FBXW4: variants seen among roughly 807,000 people sequenced by gnomAD.
FBXW4 encodes F-box and WD repeat domain containing 4.
FBXW4 carries 40 observed loss-of-function variants against 61.8 expected under a neutral mutation model. The ratio of observed to expected loss-of-function variants is 0.65; its 90% CI spans 0.50 to 0.84. FBXW4 has a LOEUF of 0.84. Among genes scored for constraint, FBXW4 ranks in the 40% least tolerant of loss-of-function variants. FBXW4 has a pLI of 0.00. For synonymous variants in FBXW4, 311 were observed against 313.8 expected, an observed-to-expected ratio of 0.99 and a Z score of 0.10; for missense variants, 672 against 753.8, an observed-to-expected ratio of 0.89 and a Z score of 1.27.
chr10:101,627,622 G>A (rs563085288), intron 5 of FBXW4, among the ~76,000 whole-genome samples: 6 of 152,246 alleles, frequency 3.9e-5, no homozygotes, highest in South Asian at 2.1e-4. Flanking sequence ...AAGGGCGTGC[G>A]CACATGCAAT....
At chr10:101,672,568 G>A (rs1013380465) in intron 4 of FBXW4, among the ~76,000 whole-genome samples, 2 of 152,098 alleles carry the variant, frequency 1.3e-5, no homozygotes, top group African/African-American at 4.8e-5. Context: ...GCAAAAGGAG[G>A]GAGATTTTAA....
chr10:101,649,335 G>A (rs2064127193), intron 5 of FBXW4, among the ~76,000 whole-genome samples: 1 of 152,106 alleles, frequency 6.6e-6, no homozygotes, highest in African/African-American at 2.4e-5. Flanking sequence ...TACAATCCGG[G>A]AGCCCCAGCC....
intron 5 of FBXW4, among the ~76,000 whole-genome samples, chr10:101,650,466 T>C (rs1002738690): frequency 5.3e-5 from 8 of 152,160 alleles, no homozygotes; most frequent in Non-Finnish European, 1.2e-4. Flanking sequence ...TTTGGCTCCC[T>C]GAGGCTCACA....
intron 5 of FBXW4, chr10:101,628,063 G>A (rs749785786): frequency 7.3e-5 from 53 of 722,236 alleles, no homozygotes; most frequent in Non-Finnish European, 8.7e-5. Context: ...TGTGCTAGGC[G>A]TGTCAAAGGC....
chr10:101,694,343 G>A lies in FBXW4; in HGVS notation c.725+38C>T. ...CGCCCTTTCCCGGGACGCGGGGCCGGCTCGGGGCGGGGAGCGGGCGGGCGA... is the reference window on the plus strand; with the variant it reads ...CGCCCTTTCCCGGGACGCGGGGCCGACTCGGGGCGGGGAGCGGGCGGGCGA... On this transcript the variant is annotated intron_variant, in intron 1 of 8. Transcript: ENST00000331272. This position sits in a 1 kb window ranked among gnomAD's most constrained non-coding sequence, Gnocchi z 6.0. 2 of 1,345,348 alleles carry A rather than the reference G, an allele frequency of 1.5e-6. No homozygotes were observed. Among genetic ancestry groups the A allele is most frequent in the Non-Finnish European group, 1.9e-6 (2 of 1,055,600 alleles). The allele number at this position is 1,345,348 out of a possible 1,614,324, so 83.3% of individuals were successfully genotyped here.
chr10:101,643,373 T>C (rs1003699897), intron 5 of FBXW4, among the ~76,000 whole-genome samples: 1 of 152,220 alleles, frequency 6.6e-6, no homozygotes, highest in Admixed American at 6.5e-5. Context: ...AGAGAGAACA[T>C]GGGCCTAGTC....
chr10:101,684,193 G>A (rs962704404), intron 1 of FBXW4, among the ~76,000 whole-genome samples: 5 of 152,094 alleles, frequency 3.3e-5, no homozygotes, highest in African/African-American at 9.7e-5. Context: ...GCACAATCTC[G>A]GCTCACTGCA....
intron 5 of FBXW4, among the ~76,000 whole-genome samples, chr10:101,663,157 G>A (rs1192683667): frequency 6.6e-6 from 1 of 152,124 alleles, no homozygotes; most frequent in African/African-American, 2.4e-5. Context: ...TCTTCCCTGG[G>A]CCTCAATTTT....
rs1354100042 is a variant in FBXW4 at position 101,611,554 on chromosome 10, C to T, written c.1584+74G>A. The T allele has an allele frequency of 5.7e-6, 9 of 1,588,902 alleles. No homozygotes were observed. The highest frequency in any genetic ancestry group is 7.7e-6 in the Non-Finnish European group (9 of 1,163,766). On this transcript the variant is annotated intron_variant, in intron 8 of 8. Coordinates refer to ENST00000331272, the MANE Select transcript of FBXW4 (RefSeq NM_022039.4). The surrounding 1 kb of genome is among the most constrained non-coding windows in gnomAD (Gnocchi z 4.9). Reference sequence around the variant, plus strand: ...CCCTTTCTAGGCACGTCCTTGGCTACCTCACCCTCTCCCAAATGCAGCCCA... The same window carrying T: ...CCCTTTCTAGGCACGTCCTTGGCTATCTCACCCTCTCCCAAATGCAGCCCA...
Position 101,669,288 on chromosome 10 carries a change from C to T in FBXW4, c.1141-1308G>A, listed in dbSNP as rs1007128415. Among the ~76,000 whole-genome samples the T allele has an allele frequency of 9.9e-4, 151 of 152,308 alleles. 3 individuals are homozygous for T. The highest frequency in any genetic ancestry group is 2.5e-4 in the Non-Finnish European group (17 of 68,024). On this transcript the variant is annotated intron_variant, in intron 4 of 8. Coordinates refer to ENST00000331272, the MANE Select transcript of FBXW4 (RefSeq NM_022039.4). The stretch of plus-strand genomic sequence containing the variant: ...TGGCCTACTCTTTGGACTCCATAGT[C>T]AGTCCTCTTTGGCAATAACTAGATA...
intron 5 of FBXW4, among the ~76,000 whole-genome samples, chr10:101,653,890 A>G (rs1275554182): frequency 6.6e-6 from 1 of 152,124 alleles, no homozygotes; most frequent in Admixed American, 6.6e-5. Context: ...TAGGAGGCCA[A>G]GGCAGGTGGA....
At chr10:101,646,778 C>T (rs1328921490) in intron 5 of FBXW4, among the ~76,000 whole-genome samples, 2 of 152,182 alleles carry the variant, frequency 1.3e-5, no homozygotes, top group Non-Finnish European at 2.9e-5. Context: ...GGGGGTTTTA[C>T]ATTTTGGTTC....
intron 2 of FBXW4, among the ~76,000 whole-genome samples, chr10:101,675,356 A>T (rs2064397523): frequency 6.6e-6 from 1 of 152,212 alleles, no homozygotes; most frequent in Non-Finnish European, 1.5e-5. Flanking sequence ...AACCAGGTTC[A>T]TGCCAGGTGA....
intron 6 of FBXW4, among the ~76,000 whole-genome samples, chr10:101,612,678 C>T (rs561667998): frequency 1.3e-5 from 2 of 152,112 alleles, no homozygotes; most frequent in Admixed American, 6.5e-5. Context: ...GTCCCAGGCC[C>T]CACCCCTCCC....
At chr10:101,629,377 A>C (rs976061441) in intron 5 of FBXW4, among the ~76,000 whole-genome samples, 11 of 151,582 alleles carry the variant, frequency 7.3e-5, no homozygotes, top group African/African-American at 2.4e-4. Context: ...TCTATCTCCC[A>C]GGTTCATGCC....
intron 5 of FBXW4, among the ~76,000 whole-genome samples, chr10:101,644,602 ACAT>A (rs1285080989): frequency 1.3e-5 from 2 of 152,190 alleles, no homozygotes; most frequent in Admixed American, 6.5e-5. Flanking sequence ...GCTGGAGCTC[ACAT>A]CATATTTTGG....
At chr10:101,660,720 T>G (rs1333028953) in intron 5 of FBXW4, among the ~76,000 whole-genome samples, 5 of 152,134 alleles carry the variant, frequency 3.3e-5, no homozygotes, top group Non-Finnish European at 7.4e-5. Flanking sequence ...CCATTTCCCT[T>G]CCTGATGAGC....
intron 5 of FBXW4, among the ~76,000 whole-genome samples, chr10:101,645,106 G>A (rs1401358016): frequency 3.3e-5 from 5 of 152,158 alleles, no homozygotes; most frequent in Non-Finnish European, 7.4e-5. Context: ...AAGAACTACT[G>A]TCCACACCCT....
chr10:101,614,700 C>T (rs759702607), intron 6 of FBXW4, among the ~76,000 whole-genome samples: 1 of 152,174 alleles, frequency 6.6e-6, no homozygotes, highest in Non-Finnish European at 1.5e-5. Context: ...TGAAAAGATA[C>T]AATTTCTTTT....
Sources: gnomAD v4.1 joint callset for allele counts (sites outside exome capture counted in the v4.1 genomes callset) on GRCh38, gnomAD v4.1.1 for gene constraint, Gnocchi (gnomAD v3.1) non-coding constraint, MANE v1.5 for transcripts, NCBI Gene and HGNC (gene_info 2026-07-23, HGNC 2026-07-21) for gene names.